ZC3H3: variants seen among roughly 807,000 people sequenced by gnomAD.
ZC3H3 encodes zinc finger CCCH-type containing 3, also known as zinc finger CCCH domain-containing protein 3.
In ZC3H3, 36 loss-of-function variants were observed where a neutral mutation model predicts 77.3. The ratio of observed to expected loss-of-function variants is 0.47; its 90% CI spans 0.36 to 0.61. ZC3H3 has a LOEUF of 0.61. Ranked by LOEUF, ZC3H3 falls within the 20% of genes least tolerant of loss-of-function variation. The pLI, the probability that ZC3H3 is intolerant of heterozygous loss-of-function variation, is 0.00. For synonymous variants in ZC3H3, 626 were observed against 555.2 expected, an observed-to-expected ratio of 1.13 and a Z score of -1.79; for missense variants, 1,331 against 1,312.2, an observed-to-expected ratio of 1.01 and a Z score of -0.22.
At chr8:143,461,803 T>C (rs1250459918) in intron 9 of ZC3H3, among the ~76,000 whole-genome samples, 1 of 151,190 alleles carries the variant, frequency 6.6e-6, no homozygotes, top group Admixed American at 6.6e-5. Flanking sequence ...GGATGAGTGT[T>C]AGGGGCCGGG....
At chr8:143,500,357 A>G (rs1821487899) in intron 4 of ZC3H3, among the ~76,000 whole-genome samples, 1 of 152,094 alleles carries the variant, frequency 6.6e-6, no homozygotes, top group Admixed American at 6.5e-5. Context: ...GACGCTACAC[A>G]CTGACACCCC....
intron 9 of ZC3H3, among the ~76,000 whole-genome samples, chr8:143,444,634 A>T (rs1819822214): frequency 6.6e-6 from 1 of 152,256 alleles, no homozygotes; most frequent in South Asian, 2.1e-4. Flanking sequence ...CACCTCACAG[A>T]TATGAAATAA....
At chr8:143,489,866 G>C (rs1238153502) in intron 4 of ZC3H3, among the ~76,000 whole-genome samples, 1 of 152,158 alleles carries the variant, frequency 6.6e-6, no homozygotes, top group Non-Finnish European at 1.5e-5. Flanking sequence ...CTGACTCTGG[G>C]GAGTGGACGG....
chr8:143,444,831 G>A (rs776957485), intron 9 of ZC3H3, among the ~76,000 whole-genome samples: 10 of 152,038 alleles, frequency 6.6e-5, no homozygotes, highest in Non-Finnish European at 1.5e-4. Flanking sequence ...TCCTATCCAA[G>A]GCAGGAAGAC....
chr8:143,441,264 C>A lies in ZC3H3; in HGVS notation c.2308-144G>T, dbSNP rs2294113. On this transcript the variant is annotated intron_variant, in intron 9 of 11. Transcript: ENST00000262577. ...CAAGTCTTGGGGCCAAAGGCTTCCT[C>A]TTGGAAGGCTGAGGCCACCAGTCCA... 3.6e-3 allele frequency: 3,228 copies of A among 889,730 alleles called. 125 individuals carry two copies. In the East Asian group the frequency reaches 0.087, roughly 24 times the overall value. The allele number at this position is 889,730 out of a possible 1,614,324, so 55.1% of individuals were successfully genotyped here.
chr8:143,505,564 C>A (rs1245844165), intron 4 of ZC3H3, among the ~76,000 whole-genome samples: 10 of 152,186 alleles, frequency 6.6e-5, no homozygotes, highest in Non-Finnish European at 1.2e-4. Context: ...ACCCTCCCCA[C>A]TCCACTCCCA....
intron 10 of ZC3H3, 93 bp downstream of exon 10, chr8:143,440,843 T>C: frequency 7.9e-7 from 1 of 1,269,728 alleles, no homozygotes; most frequent in Non-Finnish European, 1.0e-6. Flanking sequence ...AGAGCTGGAG[T>C]TGGCGGGAGC....
intron 9 of ZC3H3, among the ~76,000 whole-genome samples, chr8:143,450,384 T>A (rs966703082): frequency 8.5e-5 from 13 of 152,232 alleles, no homozygotes; most frequent in Non-Finnish European, 1.2e-4. Flanking sequence ...TTTGGCCATG[T>A]TGGCCAGGCT....
intron 3 of ZC3H3, among the ~76,000 whole-genome samples, chr8:143,524,981 C>T (rs936100907): frequency 4.3e-5 from 3 of 70,120 alleles, no homozygotes; most frequent in Admixed American, 1.5e-4. Context: ...AATACACACT[C>T]GAGCAAACCA....
chr8:143,440,302 C>A lies in ZC3H3; in HGVS notation c.2554G>T (p.Ala852Ser), dbSNP rs747578647. 3 of 1,565,142 alleles carry A rather than the reference C, an allele frequency of 1.9e-6. No homozygotes were observed. The highest frequency in any genetic ancestry group is 2.6e-6 in the Non-Finnish European group (3 of 1,152,876). ...QTPSSAALTAAAVAAPPHCPG... is the reference protein window; with the variant it reads ...QTPSSAALTASAVAAPPHCPG... The stretch of plus-strand genomic sequence containing the variant: ...CAGTGGGGAGGTGCAGCCACGGCAG[C>A]CGCAGTGAGGGCAGCCGAGCTGGGC... Residue 852 changes from alanine to serine, a missense_variant, in exon 11 of 12, where the codon GCT (alanine) becomes TCT (serine). By Grantham distance (99) the Ala-to-Ser change is moderately conservative. Transcript: ENST00000262577.
intron 5 of ZC3H3, among the ~76,000 whole-genome samples, chr8:143,470,940 G>A (rs1284736269): frequency 1.3e-5 from 2 of 152,186 alleles, no homozygotes; most frequent in Non-Finnish European, 2.9e-5. Flanking sequence ...GATCTTCTCA[G>A]AATAGACTCG....
intron 5 of ZC3H3, among the ~76,000 whole-genome samples, chr8:143,473,879 C>T (rs1218454441): frequency 1.3e-5 from 2 of 152,176 alleles, no homozygotes; most frequent in Non-Finnish European, 2.9e-5. Context: ...GGGGCTTATA[C>T]TTCACTCAGG....
At chr8:143,497,211 G>A (rs1475453724) in intron 4 of ZC3H3, among the ~76,000 whole-genome samples, 1 of 152,188 alleles carries the variant, frequency 6.6e-6, no homozygotes. Flanking sequence ...GGAAAGAGGA[G>A]AGAGCCCAGG....
intron 3 of ZC3H3, among the ~76,000 whole-genome samples, chr8:143,527,811 C>T (rs1822466943): frequency 6.6e-6 from 1 of 152,162 alleles, no homozygotes; most frequent in Non-Finnish European, 1.5e-5. Flanking sequence ...CCAGCAGGAA[C>T]ATCACACCGG....
chr8:143,515,560 G>A (rs13254347), intron 3 of ZC3H3, among the ~76,000 whole-genome samples: 16 of 152,264 alleles, frequency 1.1e-4, no homozygotes, highest in Middle Eastern at 3.4e-3. Context: ...GGAAAGATTC[G>A]GGTAGGGCTC....
intron 4 of ZC3H3, among the ~76,000 whole-genome samples, chr8:143,499,202 A>G (rs670425): frequency 0.5 from 75,336 of 151,636 alleles, 18,966 homozygotes; most frequent in East Asian, 0.67. Context: ...GCAGAGGCTC[A>G]CTCCTGGCCG....
intron 4 of ZC3H3, among the ~76,000 whole-genome samples, chr8:143,495,020 C>T (rs140342922): frequency 1.3e-5 from 2 of 152,270 alleles, no homozygotes; most frequent in Admixed American, 6.5e-5. Flanking sequence ...GGTCGCGGCA[C>T]GCTGGAAAGC....
intron 2 of ZC3H3, among the ~76,000 whole-genome samples, chr8:143,537,715 T>C (rs1563888985): frequency 6.6e-6 from 1 of 152,204 alleles, no homozygotes. Flanking sequence ...CCTGTGCAAC[T>C]GGAACGGAAG....
Position 143,536,182 on chromosome 8 carries a change from A to G in ZC3H3, c.1561+75T>C, listed in dbSNP as rs564241618. 4.0e-6 allele frequency: 6 copies of G among 1,490,684 alleles called. No individual in the cohort carries two copies. The Admixed American group carries it at 6.2e-5, about 15-fold the overall frequency. 92.3% of individuals were successfully genotyped at this position (1,490,684 alleles called of 1,614,324 possible). ...CCAGCATGAGGCAGGGAAGGTGCCC[A>G]TGGCTCCTAACACGCCAGCATATCC... On this transcript the variant is annotated intron_variant, in intron 3 of 11. Coordinates refer to ENST00000262577, the MANE Select transcript of ZC3H3 (RefSeq NM_015117.3).
Sources: allele counts gnomAD v4.1 joint callset (sites outside exome capture counted in the v4.1 genomes callset), GRCh38; gene constraint gnomAD v4.1.1; transcripts MANE v1.5; gene names NCBI Gene and HGNC (gene_info 2026-07-23, HGNC 2026-07-21).